The following RALGPS1 variants were observed in gnomAD, a reference collection of about 807,000 sequenced individuals.
RALGPS1 encodes the protein ras-specific guanine nucleotide-releasing factor RalGPS1.
Under a neutral mutation model 78.8 loss-of-function variants are expected in RALGPS1, and 19 were observed. That is an observed-to-expected ratio of 0.24 (90% CI 0.17 to 0.35). The LOEUF (loss-of-function observed/expected upper bound fraction) is 0.35, where lower values mean the gene tolerates loss of function less well. RALGPS1 is among the 10% of genes least tolerant of loss of function. The pLI, the probability that RALGPS1 is intolerant of heterozygous loss-of-function variation, is 1.00. For synonymous variants in RALGPS1, 228 were observed against 256.3 expected (o/e 0.89, Z 1.06); for missense variants, 454 against 688.3 (o/e 0.66, Z 3.81).
At chr9:127,037,112 A>G (rs371832570) in intron 5 of RALGPS1, among the ~76,000 whole-genome samples, 8 of 152,220 alleles carry the variant, frequency 5.3e-5, no homozygotes, top group African/African-American at 1.9e-4. Context: ...AAGACTAAAC[A>G]AGAATCATGA....
intron 8 of RALGPS1, among the ~76,000 whole-genome samples, chr9:127,123,663 T>C (rs2056367818): frequency 2.6e-5 from 4 of 152,144 alleles, no homozygotes; most frequent in Admixed American, 2.6e-4. Context: ...GCCAGCCGCA[T>C]AGGTGGAGCT....
chr9:127,022,693 C>T (rs539007866), intron 4 of RALGPS1, among the ~76,000 whole-genome samples: 10 of 152,196 alleles, frequency 6.6e-5, no homozygotes, highest in African/African-American at 2.2e-4. Context: ...GGTCTTGACC[C>T]GTGCACTTCA....
intron 14 of RALGPS1, among the ~76,000 whole-genome samples, chr9:127,209,474 C>G (rs2062116371): frequency 6.6e-6 from 1 of 152,184 alleles, no homozygotes; most frequent in South Asian, 2.1e-4. Flanking sequence ...ACACCAGGGC[C>G]TCTCTTGTCT....
intron 4 of RALGPS1, among the ~76,000 whole-genome samples, chr9:127,010,624 G>A (rs2044253140): frequency 6.6e-6 from 1 of 152,192 alleles, no homozygotes; most frequent in African/African-American, 2.4e-5. Flanking sequence ...GCTTTGATCA[G>A]TGCCTTTCGT....
intron 11 of RALGPS1, chr9:127,184,142 A>G (rs2060476929): frequency 8.3e-7 from 1 of 1,202,000 alleles, no homozygotes; most frequent in African/African-American, 1.5e-5. Context: ...CCTGGGCAAC[A>G]TGGCAAAACC....
intron 17 of RALGPS1, among the ~76,000 whole-genome samples, chr9:127,213,296 G>A (rs1334932385): frequency 6.6e-6 from 1 of 152,164 alleles, no homozygotes; most frequent in Non-Finnish European, 1.5e-5. Flanking sequence ...TGGCTGCTGG[G>A]GCCCATCACT....
intron 8 of RALGPS1, chr9:127,108,767 G>C: frequency 6.4e-7 from 1 of 1,562,322 alleles, no homozygotes; most frequent in South Asian, 1.2e-5. Context: ...TTTGTGAATA[G>C]AATCTATGAA....
intron 4 of RALGPS1, among the ~76,000 whole-genome samples, chr9:126,994,554 T>G (rs1210698734): frequency 6.6e-6 from 1 of 152,196 alleles, no homozygotes; most frequent in Non-Finnish European, 1.5e-5. Flanking sequence ...CTACGTCTGA[T>G]TGGTGTACCT....
chr9:127,034,588 C>T, intron 5 of RALGPS1, 74 bp downstream of exon 5: 2 of 1,339,528 alleles, frequency 1.5e-6, no homozygotes, highest in Non-Finnish European at 2.1e-6. Context: ...CGAGCCCCCA[C>T]CCAAAGCTGT....
intron 8 of RALGPS1, among the ~76,000 whole-genome samples, chr9:127,072,098 G>T (rs1471915713): frequency 6.6e-6 from 1 of 152,174 alleles, no homozygotes; most frequent in East Asian, 1.9e-4. Context: ...CTTTATGACT[G>T]GCTTCTTTCT....
intron 8 of RALGPS1, among the ~76,000 whole-genome samples, chr9:127,103,764 G>A (rs1248847619): frequency 6.6e-6 from 1 of 152,184 alleles, no homozygotes; most frequent in Non-Finnish European, 1.5e-5. Context: ...TTGGAACGTG[G>A]TACCAGGAAG....
chr9:127,209,342 CTGTT>C (rs1194396844), intron 14 of RALGPS1, among the ~76,000 whole-genome samples: 1 of 152,222 alleles, frequency 6.6e-6, no homozygotes, highest in Non-Finnish European at 1.5e-5. Context: ...AAGTTGGTGA[CTGTT>C]TGACTTGTCC....
chr9:127,218,868 C>T lies in RALGPS1; in HGVS notation c.*99C>T. On this transcript the variant is annotated 3_prime_UTR_variant, in exon 19 of 19. Coordinates refer to ENST00000259351, the MANE Select transcript of RALGPS1 (RefSeq NM_014636.3). The surrounding 1 kb of genome is among the most constrained non-coding windows in gnomAD (Gnocchi z 4.4). The stretch of plus-strand genomic sequence containing the variant: ...TGGGCACAGGCTGTGAGCCAGGGTG[C>T]TGGGAAACTCACAGCTGGACTCAGG... 2 of 1,375,936 alleles carry T rather than the reference C, an allele frequency of 1.5e-6. No individual in the cohort carries two copies. Among genetic ancestry groups the T allele is most frequent in the Admixed American group, 3.4e-5 (2 of 59,472 alleles). 85.2% of individuals were successfully genotyped at this position (1,375,936 alleles called of 1,614,324 possible). A position where few individuals can be genotyped will look rare whatever the true frequency, so the allele number is the denominator to read the frequency against.
chr9:127,100,092 T>C (rs909632406), intron 8 of RALGPS1, among the ~76,000 whole-genome samples: 1 of 152,262 alleles, frequency 6.6e-6, no homozygotes, highest in Admixed American at 6.5e-5. Context: ...GTTACTACTT[T>C]TGAAAACAAC....
chr9:127,127,728 A>G (rs1436506558), intron 8 of RALGPS1, among the ~76,000 whole-genome samples: 4 of 152,262 alleles, frequency 2.6e-5, no homozygotes, highest in Admixed American at 6.5e-5. Flanking sequence ...AAATATTACT[A>G]TTCTATTTTA....
intron 1 of RALGPS1, among the ~76,000 whole-genome samples, chr9:126,931,057 T>C (rs948728245): frequency 1.3e-5 from 2 of 152,232 alleles, no homozygotes; most frequent in Non-Finnish European, 2.9e-5. Flanking sequence ...GTATGGAGCC[T>C]GCATAGTCAG....
At position 127,091,144 on chromosome 9, in the gene RALGPS1, T is replaced by C. The variant is rs987737423; in HGVS notation, c.610+21788T>C. ...GTGCCAAATCCTAGACAAAGCACTT[T>C]AGGTACATTCTCTCTACCCTTCTCC... On this transcript the variant is annotated intron_variant, in intron 8 of 18. Coordinates refer to ENST00000259351, the MANE Select transcript of RALGPS1 (RefSeq NM_014636.3). This position sits in a 1 kb window ranked among gnomAD's most constrained non-coding sequence, Gnocchi z 4.3. Among the ~76,000 whole-genome samples, 4 of 152,242 alleles carry C rather than the reference T, an allele frequency of 2.6e-5. No homozygotes were observed. Among genetic ancestry groups the C allele is most frequent in the Non-Finnish European group, 5.9e-5 (4 of 68,036 alleles).
intron 7 of RALGPS1, 100 bp downstream of exon 7, chr9:127,053,039 T>C: frequency 1.2e-6 from 1 of 863,534 alleles, no homozygotes; most frequent in Non-Finnish European, 1.9e-6. Context: ...GTCTATACTT[T>C]GCCAACAACA....
At chr9:127,208,791 A>G (rs2062075816) in intron 14 of RALGPS1, among the ~76,000 whole-genome samples, 1 of 152,176 alleles carries the variant, frequency 6.6e-6, no homozygotes, top group African/African-American at 2.4e-5. Flanking sequence ...CAAGCTCTCC[A>G]TCAACAGATG....
Sources: gnomAD v4.1 joint callset for allele counts (sites outside exome capture counted in the v4.1 genomes callset) on GRCh38, gnomAD v4.1.1 for gene constraint, Gnocchi (gnomAD v3.1) non-coding constraint, MANE v1.5 for transcripts, NCBI Gene and HGNC (gene_info 2026-07-23, HGNC 2026-07-21) for gene names.